The following PRDM16 variants were observed in gnomAD, a reference collection of about 807,000 sequenced individuals.
PRDM16 encodes the protein histone-lysine N-methyltransferase PRDM16.
PRDM16 carries 23 observed loss-of-function variants against 110.6 expected under a neutral mutation model. The ratio of observed to expected loss-of-function variants is 0.21; its 90% CI spans 0.15 to 0.29. The LOEUF (loss-of-function observed/expected upper bound fraction) is 0.29, where lower values mean the gene tolerates loss of function less well. Ranked by LOEUF, PRDM16 falls within the 10% of genes least tolerant of loss-of-function variation. The pLI, the probability that PRDM16 is intolerant of heterozygous loss-of-function variation, is 1.00. For synonymous variants in PRDM16, 799 were observed against 781.8 expected, an observed-to-expected ratio of 1.02 and a Z score of -0.37; for missense variants, 1,615 against 1,794.3, an observed-to-expected ratio of 0.90 and a Z score of 1.81.
chr1:3,217,115 C>T (rs968447065), intron 2 of PRDM16, among the ~76,000 whole-genome samples: 9 of 152,284 alleles, frequency 5.9e-5, no homozygotes, highest in Non-Finnish European at 1.3e-4. Flanking sequence ...AAGCTCATTC[C>T]CAAACAGGAT....
intron 3 of PRDM16, among the ~76,000 whole-genome samples, chr1:3,349,964 C>A (rs768667689): frequency 9.9e-6 from 1 of 100,784 alleles, no homozygotes; most frequent in Non-Finnish European, 2.2e-5. Flanking sequence ...CTGTGCCTAG[C>A]GGGGTCCTGA....
intron 1 of PRDM16, among the ~76,000 whole-genome samples, chr1:3,169,751 G>A (rs1644003847): frequency 6.6e-6 from 1 of 152,262 alleles, no homozygotes; most frequent in Admixed American, 6.5e-5. Context: ...ATCTTGAAGG[G>A]GCAGGTGGGG....
intron 2 of PRDM16, among the ~76,000 whole-genome samples, chr1:3,241,084 G>A (rs922299391): frequency 2.6e-5 from 4 of 152,234 alleles, no homozygotes; most frequent in South Asian, 2.1e-4. Context: ...GGGGAGCCGG[G>A]GAGCGCGTCC....
chr1:3,189,600 T>C (rs1638247241), intron 2 of PRDM16, among the ~76,000 whole-genome samples: 1 of 152,264 alleles, frequency 6.6e-6, no homozygotes, highest in Non-Finnish European at 1.5e-5. Flanking sequence ...TTTACTGTAA[T>C]GTCCACGGTA....
Position 3,230,813 on chromosome 1 carries a change from G to A in PRDM16, c.388-13274G>A, listed in dbSNP as rs565869574. Among the ~76,000 whole-genome samples, 13 of 152,286 alleles carry A rather than the reference G, an allele frequency of 8.5e-5. No individual in the cohort carries two copies. In the South Asian group the frequency reaches 1.9e-3, roughly 22 times the overall value. On this transcript the variant is annotated intron_variant, in intron 2 of 16. Coordinates refer to ENST00000270722, the MANE Select transcript of PRDM16 (RefSeq NM_022114.4). ...CCCGGTGCGACCGCACTGCAGCCTCGGGCACCATGAGGCATTCGAAGTGAC... is the reference window on the plus strand; with the variant it reads ...CCCGGTGCGACCGCACTGCAGCCTCAGGCACCATGAGGCATTCGAAGTGAC...
Position 3,402,782 on chromosome 1 carries a change from C to G in PRDM16, c.677-9C>G, listed in dbSNP as rs755951322. 8.7e-6 allele frequency: 14 copies of G among 1,608,046 alleles called. 1 individual carries two copies. The East Asian group carries it at 3.1e-4, about 36-fold the overall frequency. ...CTCACTCACCACCACCTCGTTCTCTCTCTTGCAGAGGAGCCCACGTTCCGC... is the reference window on the plus strand; with the variant it reads ...CTCACTCACCACCACCTCGTTCTCTGTCTTGCAGAGGAGCCCACGTTCCGC... On this transcript the variant is annotated splice_polypyrimidine_tract_variant and intron_variant, in intron 5 of 16. Coordinates refer to ENST00000270722, the MANE Select transcript of PRDM16 (RefSeq NM_022114.4).
chr1:3,317,688 T>C (rs1641643438), intron 3 of PRDM16, among the ~76,000 whole-genome samples: 1 of 152,202 alleles, frequency 6.6e-6, no homozygotes, highest in African/African-American at 2.4e-5. Flanking sequence ...GGGCAGCCAT[T>C]GGGCGTGCGT....
chr1:3,333,103 C>T (rs1008521414), intron 3 of PRDM16, among the ~76,000 whole-genome samples: 7 of 152,134 alleles, frequency 4.6e-5, no homozygotes, highest in Admixed American at 6.5e-5. Flanking sequence ...TATATCTAGG[C>T]GTGGGATTGC....
rs368166997 is a variant in PRDM16 at position 3,186,082 on chromosome 1, G to A, written c.38-43G>A. ...GCTCCCTGAGCTGTACACACTGGGT[G>A]GGGCACGTGCTGCAGAGGTTGACGC... On this transcript the variant is annotated intron_variant, in intron 1 of 16. Transcript: ENST00000270722. 5.0e-5 allele frequency: 76 copies of A among 1,511,370 alleles called. No homozygotes were observed. The African/African-American group carries it at 8.9e-4, about 18-fold the overall frequency. The allele number at this position is 1,511,370 out of a possible 1,614,324, so 93.6% of individuals were successfully genotyped here. A position where few individuals can be genotyped will look rare whatever the true frequency, so the allele number is the denominator to read the frequency against.
chr1:3,324,464 C>T (rs1462256682), intron 3 of PRDM16, among the ~76,000 whole-genome samples: 1 of 152,230 alleles, frequency 6.6e-6, no homozygotes, highest in Non-Finnish European at 1.5e-5. Context: ...CGGACACAGA[C>T]CTGGCAGCTC....
chr1:3,349,375 A>G (rs1025931358), intron 3 of PRDM16, among the ~76,000 whole-genome samples: 12 of 152,206 alleles, frequency 7.9e-5, no homozygotes, highest in African/African-American at 2.9e-4. Flanking sequence ...TAATGAGGTC[A>G]TCGCCGAAGC....
intron 1 of PRDM16, among the ~76,000 whole-genome samples, chr1:3,124,818 C>T (rs1643170494): frequency 6.6e-6 from 1 of 152,180 alleles, no homozygotes; most frequent in South Asian, 2.1e-4. Flanking sequence ...AGGGTGGGAA[C>T]ATGCCAGCTC....
chr1:3,355,960 T>C (rs1425704896), intron 3 of PRDM16, among the ~76,000 whole-genome samples: 11 of 151,988 alleles, frequency 7.2e-5, no homozygotes, highest in Admixed American at 7.2e-4. Context: ...CAAAGACGCC[T>C]TTCCCCACTC....
intron 1 of PRDM16, among the ~76,000 whole-genome samples, chr1:3,090,089 A>T (rs1479032671): frequency 6.6e-6 from 1 of 152,252 alleles, no homozygotes; most frequent in Non-Finnish European, 1.5e-5. Flanking sequence ...ATACAAAGGC[A>T]AACAAACCCC....
intron 1 of PRDM16, among the ~76,000 whole-genome samples, chr1:3,142,308 C>G (rs1643565774): frequency 2.0e-5 from 3 of 152,248 alleles, no homozygotes; most frequent in Admixed American, 1.3e-4. Flanking sequence ...AAACATCTGG[C>G]TGTGCTAACA....
At chr1:3,268,119 C>T (rs1380098299) in intron 3 of PRDM16, among the ~76,000 whole-genome samples, 2 of 152,168 alleles carry the variant, frequency 1.3e-5, no homozygotes, top group East Asian at 1.9e-4. Context: ...TGGGAGCGTA[C>T]GGTGAGCAGG....
At position 3,433,671 on chromosome 1, in the gene PRDM16, C is replaced by T. The variant is rs746937579; in HGVS notation, c.3697-6C>T. 2.9e-5 allele frequency: 46 copies of T among 1,611,796 alleles called. 1 individual carries two copies. The South Asian group carries it at 4.2e-4, about 15-fold the overall frequency. On this transcript the variant is annotated splice_region_variant and splice_polypyrimidine_tract_variant and intron_variant, in intron 16 of 16. Coordinates refer to ENST00000270722, the MANE Select transcript of PRDM16 (RefSeq NM_022114.4). Reference sequence around the variant, plus strand: ...TCCTGTGTGTGTGTCATCCCCTCCCCGCCAGGCATATGCAATGATGCTGTC... The same window carrying T: ...TCCTGTGTGTGTGTCATCCCCTCCCTGCCAGGCATATGCAATGATGCTGTC...
At chr1:3,224,146 G>A (rs1047987918) in intron 2 of PRDM16, among the ~76,000 whole-genome samples, 3 of 152,086 alleles carry the variant, frequency 2.0e-5, no homozygotes, top group South Asian at 2.1e-4. Context: ...TTATTGCCCC[G>A]TGGATGGTTT....
At chr1:3,354,478 AAT>A (rs1553167372) in intron 3 of PRDM16, among the ~76,000 whole-genome samples, 2,832 of 148,892 alleles carry the variant, frequency 0.019, 89 homozygotes, top group African/African-American at 0.068. Flanking sequence ...AAAAAAAAAA[AAT>A]ACCTTGCTTA....
Sources: allele counts gnomAD v4.1 joint callset (sites outside exome capture counted in the v4.1 genomes callset), GRCh38; gene constraint gnomAD v4.1.1; transcripts MANE v1.5; gene names NCBI Gene and HGNC (gene_info 2026-07-23, HGNC 2026-07-21).